LAMB4: variants seen among roughly 807,000 people sequenced by gnomAD.
The protein encoded by LAMB4 is laminin subunit beta 4.
LAMB4 carries 196 observed loss-of-function variants against 199.2 expected under a neutral mutation model. That is an observed-to-expected ratio of 0.98 (90% CI 0.88 to 1.11). LAMB4 has a LOEUF of 1.11. LAMB4 is among the 50% of genes least tolerant of loss of function. The probability of loss-of-function intolerance (pLI) is 0.00; values close to 1 mark genes in which losing one functional copy is unlikely to be tolerated. For synonymous variants in LAMB4, 744 were observed against 770.6 expected (o/e 0.97, Z 0.57); for missense variants, 2,080 against 2,171.2 (o/e 0.96, Z 0.83).
At chr7:108,109,758 C>T (rs1193445721) in intron 4 of LAMB4, among the ~76,000 whole-genome samples, 2 of 152,024 alleles carry the variant, frequency 1.3e-5, no homozygotes, top group African/African-American at 2.4e-5. Flanking sequence ...GTGGCTGAGG[C>T]GGTGGTAGAG....
Position 108,037,471 on chromosome 7 carries a change from A to C in LAMB4, c.4596T>G (p.Cys1532Trp). The change falls in exon 30 of 34, where the codon TGT becomes TGG. Residue 1532 changes from cysteine (C) to tryptophan (W), a missense_variant. Physicochemically the swap from Cys to Trp is radical, Grantham distance 215 (BLOSUM62 -2). Coordinates refer to ENST00000388781, the MANE Select transcript of LAMB4 (RefSeq NM_007356.3). ...TGTTTTCATCTGTCCTGTAATCCTC[A>C]CAGAGTTGCATATGTTTCTGTATTT... Reference protein sequence around the residue: ...LVKIQKHMQLCEDYRTDENRL... With the variant: ...LVKIQKHMQLWEDYRTDENRL... The C allele has an allele frequency of 6.2e-7, 1 of 1,614,066 alleles. No individual in the cohort carries two copies. Among genetic ancestry groups the C allele is most frequent in the Non-Finnish European group, 8.5e-7 (1 of 1,179,970 alleles).
chr7:108,064,089 A>G, intron 21 of LAMB4, 104 bp from the exon 22 acceptor site: 1 of 798,468 alleles, frequency 1.3e-6, no homozygotes, highest in Non-Finnish European at 2.2e-6. Flanking sequence ...CTCTAGGAAT[A>G]ATGAGAAATC....
At chr7:108,104,211 C>T (rs1040134345) in intron 9 of LAMB4, among the ~76,000 whole-genome samples, 1 of 152,164 alleles carries the variant, frequency 6.6e-6, no homozygotes, top group African/African-American at 2.4e-5. Flanking sequence ...TGCCTTGTCC[C>T]CACTGATATT....
Position 108,098,530 on chromosome 7 carries a change from G to A in LAMB4, c.1233C>T (p.His411=), listed in dbSNP as rs765026122. The A allele has an allele frequency of 6.2e-7, 1 of 1,613,490 alleles. No homozygotes were observed. The highest frequency in any genetic ancestry group is 1.3e-5 in the African/African-American group (1 of 74,926). ...GTISGGICVS[H]SDPALGSVAG... Reference sequence around the variant, plus strand: ...CCACAGACCCTAAGGCAGGATCAGAGTGGCTCACACAAATGCCACCAGATA... The same window carrying A: ...CCACAGACCCTAAGGCAGGATCAGAATGGCTCACACAAATGCCACCAGATA... The change falls in exon 11 of 34, where the codon CAC becomes CAT. Residue 411 remains histidine (H), a synonymous_variant. Transcript: ENST00000388781.
the LAMB4 span, among the ~76,000 whole-genome samples, chr7:108,012,660 T>G: frequency 6.6e-6 from 1 of 152,242 alleles, no homozygotes; most frequent in African/African-American, 2.4e-5. Flanking sequence ...ATCACATCTG[T>G]GTGCTTCAGC....
intron 30 of LAMB4, among the ~76,000 whole-genome samples, chr7:108,036,776 T>C (rs2035245316): frequency 6.6e-6 from 1 of 152,004 alleles, no homozygotes; most frequent in Non-Finnish European, 1.5e-5. Flanking sequence ...TAGTTAACTC[T>C]GTATACCATA....
At position 108,024,098 on chromosome 7, in the gene LAMB4, C is replaced by G. The variant is rs747068574; in HGVS notation, c.5227G>C (p.Val1743Leu). Residue 1743 changes from valine to leucine, a missense_variant, in exon 34 of 34, where the codon GTT (valine) becomes CTT (leucine). Coordinates refer to ENST00000388781, the MANE Select transcript of LAMB4 (RefSeq NM_007356.3). ...TCAACAATTTCATTTTTAATGGCAA[C>G]AACTTGATCTTCCAATATTCTCAGT... is the stretch of plus-strand genomic sequence containing the variant. ...DQLRILEDQV[V>L]AIKNEIVEQE... The G allele has an allele frequency of 3.1e-6, 5 of 1,606,402 alleles. No homozygotes were observed. The highest frequency in any genetic ancestry group is 3.4e-6 in the Non-Finnish European group (4 of 1,175,332).
In LAMB4 at chr7:108,098,548, A is replaced by T. The variant is rs758037467; in HGVS notation, c.1215T>A (p.Gly405=). 1.1e-5 allele frequency: 18 copies of T among 1,612,490 alleles called. No homozygotes were observed. In the East Asian group the frequency reaches 3.8e-4, roughly 34 times the overall value. ...GATCAGAGTGGCTCACACAAATGCCACCAGATATGGTCCCATCGGGGTCAC... is the reference window on the plus strand; with the variant it reads ...GATCAGAGTGGCTCACACAAATGCCTCCAGATATGGTCCCATCGGGGTCAC... The part of the protein sequence containing the change: ...CECDPDGTIS[G]GICVSHSDPA... The change falls in exon 11 of 34, where the codon GGT becomes GGA. Residue 405 remains glycine (G), a synonymous_variant. Transcript: ENST00000388781.
intron 11 of LAMB4, among the ~76,000 whole-genome samples, chr7:108,098,193 C>T (rs891677255): frequency 4.3e-4 from 66 of 152,152 alleles, no homozygotes; most frequent in Non-Finnish European, 2.8e-4. Context: ...ATTATCTGGG[C>T]GTGGTGGTGG....
chr7:108,024,274 C>T, intron 33 of LAMB4, 96 bp from the exon 34 acceptor site: 2 of 591,376 alleles, frequency 3.4e-6, no homozygotes, highest in Non-Finnish European at 2.7e-6. Flanking sequence ...ATGCGCCTCT[C>T]AAAGATATAT....
chr7:108,129,436 TCTAA>T (rs953786289), intron 1 of LAMB4, among the ~76,000 whole-genome samples: 7 of 152,232 alleles, frequency 4.6e-5, no homozygotes, highest in Admixed American at 6.5e-5. Context: ...CTTTCCTTTG[TCTAA>T]CTTTTTTTCA....
At chr7:108,102,516 C>T (rs2037849611) in intron 10 of LAMB4, among the ~76,000 whole-genome samples, 1 of 152,072 alleles carries the variant, frequency 6.6e-6, no homozygotes, top group Admixed American at 6.6e-5. Flanking sequence ...TAAAGAAAGT[C>T]CCAAGAGTGA....
chr7:108,099,235 TTGATGG>T (rs1403517293), intron 10 of LAMB4, among the ~76,000 whole-genome samples: 9 of 152,278 alleles, frequency 5.9e-5, no homozygotes. Flanking sequence ...GGTCAAGAGC[TTGATGG>T]AAGAGATTCT....
chr7:108,043,279 G>A (rs2035485219), intron 29 of LAMB4, among the ~76,000 whole-genome samples: 2 of 152,052 alleles, frequency 1.3e-5, no homozygotes, highest in Non-Finnish European at 1.5e-5. Flanking sequence ...GAATCCTGAT[G>A]TTAGGGAATC....
chr7:108,123,115 G>T lies in LAMB4; in HGVS notation c.34+16C>A. 1 of 1,600,128 alleles carries T rather than the reference G, an allele frequency of 6.2e-7. No homozygotes were observed. Among genetic ancestry groups the T allele is most frequent in the Non-Finnish European group, 8.5e-7 (1 of 1,174,782 alleles). ...ACAGCGCAAGCAGTAAATAGATTTT[G>T]ACAACAAATACTCACCAAGGTGCAA... is the stretch of plus-strand genomic sequence containing the variant. On this transcript the variant is annotated intron_variant, in intron 2 of 33. Transcript: ENST00000388781.
At position 108,095,332 on chromosome 7, in the gene LAMB4, C is replaced by T. The variant is rs754838790; in HGVS notation, c.1366G>A (p.Asp456Asn). 32 of 1,611,204 alleles carry T rather than the reference C, an allele frequency of 2.0e-5. No homozygotes were observed. The highest frequency in any genetic ancestry group is 2.2e-5 in the East Asian group (1 of 44,886). Reference sequence around the variant, plus strand: ...GGCAGACTCCCAAGGGGGTTACAGTCGCAGGCTGAAAGCACAGCATACACA... The same window carrying T: ...GGCAGACTCCCAAGGGGGTTACAGTTGCAGGCTGAAAGCACAGCATACACA... ...ATDPLGCQPC[D>N]CNPLGSLPFL... The change falls in exon 12 of 34, where the codon GAC becomes AAC. Residue 456 changes from aspartate to asparagine, a missense_variant. Coordinates refer to ENST00000388781, the MANE Select transcript of LAMB4 (RefSeq NM_007356.3).
intron 33 of LAMB4, among the ~76,000 whole-genome samples, chr7:108,025,721 C>G (rs1231178290): frequency 6.6e-6 from 1 of 152,158 alleles, no homozygotes; most frequent in African/African-American, 2.4e-5. Context: ...GGCCACCACA[C>G]CTGGCTGAAA....
intron 10 of LAMB4, 36 bp from the exon 11 acceptor site, chr7:108,098,618 C>T: frequency 6.5e-7 from 1 of 1,528,802 alleles, no homozygotes; most frequent in Non-Finnish European, 8.8e-7. Flanking sequence ...TAGTTAATTG[C>T]AAATTGTGGG....
chr7:108,035,930 TGCAGCCTC>T (rs1485807710), intron 30 of LAMB4, among the ~76,000 whole-genome samples: 1 of 151,938 alleles, frequency 6.6e-6, no homozygotes, highest in East Asian at 1.9e-4. Flanking sequence ...CTCAGCTCAC[TGCAGCCTC>T]TGCCTCCCAG....
Sources: gnomAD v4.1 joint callset for allele counts (sites outside exome capture counted in the v4.1 genomes callset) on GRCh38, gnomAD v4.1.1 for gene constraint, MANE v1.5 for transcripts, NCBI Gene and HGNC (gene_info 2026-07-23, HGNC 2026-07-21) for gene names.